The following SYNE1 variants were observed in gnomAD, a reference collection of about 807,000 sequenced individuals.
The protein encoded by SYNE1 is spectrin repeat containing nuclear envelope protein 1, also known as nesprin-1.
Under a neutral mutation model 1,111.0 loss-of-function variants are expected in SYNE1, and 616 were observed. The observed-to-expected ratio is 0.55, with a 90% CI of 0.52 to 0.59. The LOEUF is 0.59. SYNE1 is among the 20% of genes least tolerant of loss of function. The pLI is 0.00. For synonymous variants in SYNE1, 3,855 were observed against 3,825.8 expected, an observed-to-expected ratio of 1.01 and a Z score of -0.28; for missense variants, 10,006 against 10,417.0, an observed-to-expected ratio of 0.96 and a Z score of 1.72.
chr6:152,252,283 T>TTAAA (rs34950680), intron 104 of SYNE1, among the ~76,000 whole-genome samples: 9,231 of 151,360 alleles, frequency 0.061, 327 homozygotes, highest in East Asian at 0.12. Flanking sequence ...AATAAATAAA[T>TTAAA]TAAATAAATA....
At position 152,387,168 on chromosome 6, in the gene SYNE1, G is replaced by A; in HGVS notation, c.8391C>T (p.Ser2797=). 1.2e-6 allele frequency: 2 copies of A among 1,614,128 alleles called. No individual in the cohort carries two copies. Among genetic ancestry groups the A allele is most frequent in the Non-Finnish European group, 1.7e-6 (2 of 1,180,010 alleles). Residue 2797 remains serine (S), a synonymous_variant, in exon 54 of 146, where the codon TCC becomes TCT. Coordinates refer to ENST00000367255, the MANE Select transcript of SYNE1 (RefSeq NM_182961.4). ...CCTCTGTCTTTTCGTAGAGCTCCCT[G>A]GACTTCGCAATTAGACGGTGAAGGG... ...TRALHRLIAK[S]RELYEKTEDE...
chr6:152,428,031 T>C (rs1245821879), intron 37 of SYNE1, among the ~76,000 whole-genome samples, 174 bp downstream of exon 37: 1 of 152,186 alleles, frequency 6.6e-6, no homozygotes, highest in Non-Finnish European at 1.5e-5. Flanking sequence ...CCCATATATA[T>C]CCTCTCCACT....
At chr6:152,560,070 A>G (rs1158236264) in intron 3 of SYNE1, among the ~76,000 whole-genome samples, 3 of 152,224 alleles carry the variant, frequency 2.0e-5, no homozygotes, top group Non-Finnish European at 4.4e-5. Flanking sequence ...AAGAAATAGA[A>G]GGCTGGGCAT....
chr6:152,304,801 AT>A (rs2153821157), intron 91 of SYNE1, among the ~76,000 whole-genome samples: 1 of 152,274 alleles, frequency 6.6e-6, no homozygotes, highest in Admixed American at 6.5e-5. Flanking sequence ...ACTCATTTGG[AT>A]TGTTTCTTTA....
chr6:152,295,690 T>C (rs2153791620), intron 93 of SYNE1, among the ~76,000 whole-genome samples: 1 of 152,076 alleles, frequency 6.6e-6, no homozygotes, highest in Non-Finnish European at 1.5e-5. Context: ...GTCAAGGAGA[T>C]ACTGCAACTT....
chr6:152,534,206 A>G (rs202065536), intron 4 of SYNE1, among the ~76,000 whole-genome samples: 356 of 120,906 alleles, frequency 2.9e-3, no homozygotes, highest in East Asian at 0.022. Flanking sequence ...ATGAATGAAT[A>G]AATAAATAAA....
intron 95 of SYNE1, 41 bp downstream of exon 95, chr6:152,293,547 T>C (rs780019653): frequency 7.4e-6 from 12 of 1,611,816 alleles, no homozygotes; most frequent in African/African-American, 1.3e-5. Flanking sequence ...AACAGTGCCT[T>C]ATTCAATCAA....
intron 56 of SYNE1, among the ~76,000 whole-genome samples, chr6:152,378,329 A>C (rs1224023749): frequency 1.3e-5 from 2 of 152,172 alleles, no homozygotes; most frequent in Admixed American, 6.5e-5. Context: ...AAGAAACCAC[A>C]TCCCTCAACA....
rs199550235 is a variant in SYNE1, at chr6:152,436,031, G to A, written c.4220C>T (p.Pro1407Leu). Residue 1407 changes from proline to leucine, a missense_variant, in exon 33 of 146, where the codon CCG (proline) becomes CTG (leucine). This residue lies in a region of SYNE1 where 1,971 missense variants were observed against 2,084.1 expected (regional missense o/e 0.95). Coordinates refer to ENST00000367255, the MANE Select transcript of SYNE1 (RefSeq NM_182961.4). Reference sequence around the variant, plus strand: ...CAGCTGCTTATTTTGGGGCCCAAGCGGTATCTCTGAAGCTTCCTTTACAAG... The same window carrying A: ...CAGCTGCTTATTTTGGGGCCCAAGCAGTATCTCTGAAGCTTCCTTTACAAG... ...ENLVKEASEIPLGPQNKQLLQ... is the reference protein window; with the variant it reads ...ENLVKEASEILLGPQNKQLLQ... The A allele has an allele frequency of 4.3e-5, 69 of 1,614,064 alleles. 1 individual carries two copies. In the South Asian group the frequency reaches 5.3e-4, roughly 12 times the overall value.
At chr6:152,486,664 A>C (rs185206793) in intron 12 of SYNE1, among the ~76,000 whole-genome samples, 1 of 152,318 alleles carries the variant, frequency 6.6e-6, no homozygotes, top group East Asian at 1.9e-4. Context: ...AGCCCAGAAA[A>C]TTTTATTTTG....
At chr6:152,129,000 A>C (rs2054506805) in intron 145 of SYNE1, 1 of 152,264 alleles carries the variant, frequency 6.6e-6, no homozygotes, top group Non-Finnish European at 1.5e-5. Flanking sequence ...TGAGTAGCAA[A>C]GTGAACACTG....
intron 75 of SYNE1, among the ~76,000 whole-genome samples, chr6:152,338,649 C>G (rs186547256): frequency 6.6e-6 from 1 of 152,206 alleles, no homozygotes; most frequent in African/African-American, 2.4e-5. Flanking sequence ...AACGAGCAAA[C>G]AAACCCAAAT....
intron 130 of SYNE1, among the ~76,000 whole-genome samples, chr6:152,171,635 T>A (rs1371105338): frequency 1.3e-5 from 2 of 152,144 alleles, no homozygotes; most frequent in Non-Finnish European, 2.9e-5. Context: ...GGCAGGAGAA[T>A]GCCCAGGAAG....
chr6:152,350,829 T>C (rs2096729190), intron 70 of SYNE1, 59 bp from the exon 71 acceptor site: 5 of 1,598,046 alleles, frequency 3.1e-6, no homozygotes, highest in Non-Finnish European at 2.6e-6. Context: ...GATGAATACA[T>C]ACATATTCCC....
intron 3 of SYNE1, among the ~76,000 whole-genome samples, chr6:152,602,854 G>C (rs1241531049): frequency 6.6e-6 from 1 of 152,108 alleles, no homozygotes; most frequent in African/African-American, 2.4e-5. Context: ...AATTGATGAA[G>C]GTGTGTGTGT....
In SYNE1 at chr6:152,131,904, C is replaced by T. The variant is rs574590855; in HGVS notation, c.26094+218G>A. On this transcript the variant is annotated intron_variant, in intron 144 of 145. Coordinates refer to ENST00000367255, the MANE Select transcript of SYNE1 (RefSeq NM_182961.4). ...ATGTTCTCCCTGCATACCAGCCACA[C>T]GTTGAGTCCTGATTCTTTTGAAAAC... Among the ~76,000 whole-genome samples, 4 of 152,344 alleles carry T rather than the reference C, an allele frequency of 2.6e-5. 1 individual carries two copies. The South Asian group carries it at 6.2e-4, about 24-fold the overall frequency.
Position 152,152,148 on chromosome 6 carries a change from C to A in SYNE1, c.24130-7G>T, listed in dbSNP as rs368697044. ...GGACCTGTCGCTGGAAAGCCTAAGG[C>A]CACAGAGAAGCATATCAGTGTGAGA... On this transcript the variant is annotated splice_polypyrimidine_tract_variant and splice_region_variant and intron_variant, in intron 133 of 145. Transcript: ENST00000367255. The A allele has an allele frequency of 6.8e-6, 11 of 1,613,506 alleles. No homozygotes were observed. In the African/African-American group the frequency reaches 1.5e-4, roughly 22 times the overall value.
chr6:152,224,414 GGAT>G, intron 117 of SYNE1, 77 bp downstream of exon 117: 1 of 1,226,402 alleles, frequency 8.2e-7, no homozygotes. Context: ...CAATATTTCA[GGAT>G]GATGTCTCCA....
At chr6:152,257,040 G>A (rs1343634946) in intron 101 of SYNE1, among the ~76,000 whole-genome samples, 2 of 151,850 alleles carry the variant, frequency 1.3e-5, no homozygotes, top group African/African-American at 4.8e-5. Flanking sequence ...TTACACAGGA[G>A]GTCAAACACA....
Sources: gnomAD v4.1 joint callset for allele counts (sites outside exome capture counted in the v4.1 genomes callset) on GRCh38, gnomAD v4.1.1 for gene constraint, gnomAD v4.1.1 regional missense constraint, MANE v1.5 for transcripts, NCBI Gene and HGNC (gene_info 2026-07-23, HGNC 2026-07-21) for gene names.